Variants in INTS3 observed in about 807,000 individuals in gnomAD.
INTS3 encodes the protein SOSS complex subunit A.
Under a neutral mutation model 146.3 loss-of-function variants are expected in INTS3, and 34 were observed. The observed-to-expected ratio is 0.23, with a 90% CI of 0.18 to 0.31. The LOEUF (loss-of-function observed/expected upper bound fraction) is 0.31. Ranked by LOEUF, INTS3 falls within the 10% of genes least tolerant of loss-of-function variation. The pLI, the probability that INTS3 is intolerant of heterozygous loss-of-function variation, is 1.00. For missense variants in INTS3, 757 were observed against 1,304.2 expected, an observed-to-expected ratio of 0.58 and a Z score of 6.46; for synonymous variants, 475 against 494.9, an observed-to-expected ratio of 0.96 and a Z score of 0.53.
At chr1:153,763,587 A>G (rs547734894) in intron 16 of INTS3, among the ~76,000 whole-genome samples, 37 of 152,184 alleles carry the variant, frequency 2.4e-4, no homozygotes, top group Non-Finnish European at 3.7e-4. Flanking sequence ...CACTCTGCAG[A>G]TTCTTGGGAG....
intron 1 of INTS3, among the ~76,000 whole-genome samples, chr1:153,730,474 C>T (rs1671022212): frequency 1.3e-5 from 2 of 152,158 alleles, no homozygotes. Context: ...TTTGATCCCT[C>T]CATCAGTTTG....
At chr1:153,753,323 C>G (rs573561510) in intron 8 of INTS3, among the ~76,000 whole-genome samples, 1 of 152,016 alleles carries the variant, frequency 6.6e-6, no homozygotes, top group Non-Finnish European at 1.5e-5. Flanking sequence ...CTTTGGGAGG[C>G]CGAGGCGGGC....
At chr1:153,770,014 C>T (rs867920803) in intron 23 of INTS3, among the ~76,000 whole-genome samples, 170 bp downstream of exon 23, 5 of 139,658 alleles carry the variant, frequency 3.6e-5, no homozygotes, top group African/African-American at 8.8e-5. Flanking sequence ...TCTGTCCTAC[C>T]TCTGTAACAT....
chr1:153,744,034 TGTGC>T (rs1168452996), intron 3 of INTS3, among the ~76,000 whole-genome samples: 37 of 113,266 alleles, frequency 3.3e-4, no homozygotes, highest in African/African-American at 1.0e-3. Flanking sequence ...AGGGTGTGCA[TGTGC>T]GTGTGTGTGT....
intron 18 of INTS3, 79 bp from the exon 19 acceptor site, chr1:153,764,611 G>T: frequency 9.4e-7 from 1 of 1,064,440 alleles, no homozygotes. Context: ...GCAGGCTGGT[G>T]TCTAGCCTCC....
intron 21 of INTS3, among the ~76,000 whole-genome samples, chr1:153,768,272 T>C (rs1672674478): frequency 6.6e-6 from 1 of 152,210 alleles, no homozygotes; most frequent in Non-Finnish European, 1.5e-5. Context: ...CTCTAGGAAC[T>C]GGGACATAAC....
intron 11 of INTS3, 31 bp from the exon 12 acceptor site, chr1:153,760,280 G>A (rs373118227): frequency 1.2e-6 from 1 of 803,906 alleles, no homozygotes; most frequent in Non-Finnish European, 2.1e-6. Context: ...ACTGACTGAT[G>A]TGAGGGGCTC....
Position 153,763,896 on chromosome 1 carries a change from A to G in INTS3, c.1821+10A>G. 1 of 1,612,942 alleles carries G rather than the reference A, an allele frequency of 6.2e-7. No homozygotes were observed. On this transcript the variant is annotated intron_variant, in intron 17 of 29. Transcript: ENST00000318967. ...GGACCAGGTCCTGGAGGTGAGGAGG[A>G]ACCCAATCCCTTAGGGAGGAAGCAG...
In INTS3 at chr1:153,773,182, A is replaced by G. The variant is rs773094951; in HGVS notation, c.3052-11A>G. 1.6e-5 allele frequency: 26 copies of G among 1,613,746 alleles called. No homozygotes were observed. In the South Asian group the frequency reaches 1.9e-4, roughly 12 times the overall value. On this transcript the variant is annotated splice_polypyrimidine_tract_variant and intron_variant, in intron 29 of 29. Transcript: ENST00000318967. Reference sequence around the variant, plus strand: ...CTGTTAACTTCCCATTTCCCCTCCCATCTCTTCCAGGAAGAGGAAGACACG... The same window carrying G: ...CTGTTAACTTCCCATTTCCCCTCCCGTCTCTTCCAGGAAGAGGAAGACACG...
intron 8 of INTS3, among the ~76,000 whole-genome samples, chr1:153,753,280 C>T (rs1038115764): frequency 4.6e-5 from 7 of 151,964 alleles, no homozygotes; most frequent in Admixed American, 6.6e-5. Context: ...GGTTTGAGGC[C>T]GGGCGCGGTG....
Position 153,772,613 on chromosome 1 carries a change from C to T in INTS3, c.2822-26C>T, listed in dbSNP as rs761787316. On this transcript the variant is annotated intron_variant, in intron 27 of 29. Transcript: ENST00000318967. The surrounding 1 kb of genome is among the most constrained non-coding windows in gnomAD (Gnocchi z 4.6). Reference sequence around the variant, plus strand: ...CCCAGACATCTGATTGTTTTTCCTTCCCTGCTCTCCCTTTTCTTCCTCTAG... The same window carrying T: ...CCCAGACATCTGATTGTTTTTCCTTTCCTGCTCTCCCTTTTCTTCCTCTAG... 3 of 1,614,000 alleles carry T rather than the reference C, an allele frequency of 1.9e-6. No individual in the cohort carries two copies. The highest frequency in any genetic ancestry group is 4.5e-5 in the East Asian group (2 of 44,896).
chr1:153,761,252 T>C, intron 13 of INTS3: 1 of 518,566 alleles, frequency 1.9e-6, no homozygotes, highest in Non-Finnish European at 3.3e-6. Context: ...GGCTCATGCC[T>C]GTAATCCCAG....
At chr1:153,737,741 C>T (rs901757411) in intron 1 of INTS3, among the ~76,000 whole-genome samples, 3 of 152,164 alleles carry the variant, frequency 2.0e-5, no homozygotes, top group Non-Finnish European at 2.9e-5. Context: ...TCAAGTGATC[C>T]TCCCGCCTCA....
At position 153,741,350 on chromosome 1, in the gene INTS3, A is replaced by G; in HGVS notation, c.300A>G (p.Glu100=). The change falls in exon 3 of 30, where the codon GAA becomes GAG. Residue 100 remains glutamate, a synonymous_variant. Transcript: ENST00000318967. ...CLGLFTLILT[E]PAQAQKCYRD... is the part of the protein sequence containing the mutation. ...GCCTGTTTACTCTCATCCTCACTGA[A>G]CCTGCCCAAGCCCAGAAGGTAAGGC... The G allele has an allele frequency of 6.2e-7, 1 of 1,613,890 alleles. No individual in the cohort carries two copies.
At position 153,754,703 on chromosome 1, in the gene INTS3, G is replaced by A. The variant is rs368663714; in HGVS notation, c.921G>A (p.Pro307=). 208 of 1,612,978 alleles carry A rather than the reference G, an allele frequency of 1.3e-4. No individual in the cohort carries two copies. The highest frequency in any genetic ancestry group is 1.6e-4 in the Non-Finnish European group (189 of 1,179,108). Residue 307 remains proline (P), a synonymous_variant, in exon 9 of 30, where the codon CCG becomes CCA. Transcript: ENST00000318967. Reference sequence around the variant, plus strand: ...AATTCCTAGCATGTCGTCTAACCCCGGACATGGAGACTAAACTCCTCTTCA... The same window carrying A: ...AATTCCTAGCATGTCGTCTAACCCCAGACATGGAGACTAAACTCCTCTTCA... ...SRKFLACRLT[P]DMETKLLFMT... is the part of the protein sequence containing the mutation.
chr1:153,772,080 T>G lies in INTS3; in HGVS notation c.2720+117T>G, dbSNP rs568612135. 8.5e-7 allele frequency: 1 copy of G among 1,181,584 alleles called. No individual in the cohort carries two copies. The highest frequency in any genetic ancestry group is 1.2e-6 in the Non-Finnish European group (1 of 850,186). The allele number at this position is 1,181,584 out of a possible 1,614,324, so 73.2% of individuals were successfully genotyped here. A position where few individuals can be genotyped will look rare whatever the true frequency, so the allele number is the denominator to read the frequency against. The stretch of plus-strand genomic sequence containing the variant: ...GGGGTCAGTGCTGTCCCAGCCTGGT[T>G]TGTGGGCGACATCTAGTGGTCCGAA... On this transcript the variant is annotated intron_variant, in intron 26 of 29. Transcript: ENST00000318967. The surrounding 1 kb of genome is among the most constrained non-coding windows in gnomAD (Gnocchi z 4.6).
chr1:153,767,521 C>A, intron 20 of INTS3, 153 bp from the exon 21 acceptor site: 1 of 642,168 alleles, frequency 1.6e-6, no homozygotes, highest in Non-Finnish European at 2.5e-6. Context: ...AGTTATCAAG[C>A]CCCTGTGGGA....
chr1:153,729,599 G>A (rs575971922), intron 1 of INTS3, among the ~76,000 whole-genome samples: 24 of 152,314 alleles, frequency 1.6e-4, no homozygotes, highest in Admixed American at 1.3e-3. Context: ...TGGGTGCGGT[G>A]GCTCACGCCT....
chr1:153,763,049 C>T (rs976544071), intron 15 of INTS3, among the ~76,000 whole-genome samples, 184 bp from the exon 16 acceptor site: 1 of 152,208 alleles, frequency 6.6e-6, no homozygotes, highest in Non-Finnish European at 1.5e-5. Context: ...GTGGTTCCTG[C>T]CCTTGTTTGC....
Sources: allele counts gnomAD v4.1 joint callset (sites outside exome capture counted in the v4.1 genomes callset), GRCh38; gene constraint gnomAD v4.1.1; non-coding constraint Gnocchi (gnomAD v3.1); transcripts MANE v1.5; gene names NCBI Gene and HGNC (gene_info 2026-07-23, HGNC 2026-07-21).